The following LAPTM5 variants were observed in gnomAD, a reference collection of about 807,000 sequenced individuals.
LAPTM5 encodes the protein lysosomal-associated transmembrane protein 5.
A neutral mutation model predicts 30.1 loss-of-function variants in LAPTM5; 11 were observed. The ratio of observed to expected loss-of-function variants is 0.37; its 90% CI spans 0.23 to 0.60. The LOEUF (loss-of-function observed/expected upper bound fraction) is 0.60, where lower values mean the gene tolerates loss of function less well. Among genes scored for constraint, LAPTM5 ranks in the 20% least tolerant of loss-of-function variants. The probability of loss-of-function intolerance (pLI) is 0.71; values close to 1 mark genes in which losing one functional copy is unlikely to be tolerated. For synonymous variants in LAPTM5, 151 were observed against 137.9 expected, an observed-to-expected ratio of 1.10 and a Z score of -0.67; for missense variants, 324 against 332.5, an observed-to-expected ratio of 0.97 and a Z score of 0.20.
In LAPTM5 at chr1:30,745,616, A is replaced by G. The variant is rs192470303; in HGVS notation, c.88-3067T>C. 1.1e-3 allele frequency among the ~76,000 whole-genome samples: 174 copies of G among 152,352 alleles called. 4 individuals carry two copies. The East Asian group carries it at 0.028, about 25-fold the overall frequency. On this transcript the variant is annotated intron_variant, in intron 1 of 7. Coordinates refer to ENST00000294507, the MANE Select transcript of LAPTM5 (RefSeq NM_006762.3). ...ATGGCTCACGAGACTCATAGAGGGC[A>G]GGGGACCAGCCCACAGTCACAGAGC...
At chr1:30,751,596 G>A (rs561236549) in intron 1 of LAPTM5, among the ~76,000 whole-genome samples, 11 of 152,288 alleles carry the variant, frequency 7.2e-5, no homozygotes, top group South Asian at 2.1e-4. Context: ...AAACTTAGCC[G>A]GGCATGATGG....
intron 1 of LAPTM5, among the ~76,000 whole-genome samples, chr1:30,749,963 G>T (rs1047979698): frequency 6.6e-6 from 1 of 152,146 alleles, no homozygotes; most frequent in Non-Finnish European, 1.5e-5. Context: ...GAAAGAGCAT[G>T]CAGGAGATGT....
At chr1:30,733,999 C>A in intron 7 of LAPTM5, 82 bp from the exon 8 acceptor site, 1 of 1,409,472 alleles carries the variant, frequency 7.1e-7, no homozygotes, top group African/African-American at 1.5e-5. Flanking sequence ...ACCCAAACCC[C>A]CACCTCTGGC....
chr1:30,749,671 A>AG (rs35831416), intron 1 of LAPTM5, among the ~76,000 whole-genome samples: 1 of 151,912 alleles, frequency 6.6e-6, no homozygotes, highest in Non-Finnish European at 1.5e-5. Context: ...GTCCAACCGT[A>AG]GGGGTCAGGG....
intron 1 of LAPTM5, among the ~76,000 whole-genome samples, chr1:30,747,581 G>A (rs1315644768): frequency 1.3e-5 from 2 of 152,126 alleles, no homozygotes; most frequent in African/African-American, 4.8e-5. Context: ...GACAAACACA[G>A]CTTCCCCAAG....
intron 7 of LAPTM5, 104 bp from the exon 8 acceptor site, chr1:30,734,021 G>A: frequency 3.3e-6 from 4 of 1,217,614 alleles, no homozygotes; most frequent in Middle Eastern, 1.9e-4. Context: ...AAATGATGAT[G>A]ATAATGACTG....
intron 1 of LAPTM5, among the ~76,000 whole-genome samples, chr1:30,753,271 C>T (rs117989491): frequency 1.3e-5 from 2 of 152,276 alleles, no homozygotes; most frequent in East Asian, 3.9e-4. Flanking sequence ...TATGTAGCTA[C>T]TCTGCCCTCA....
intron 1 of LAPTM5, among the ~76,000 whole-genome samples, chr1:30,754,548 A>G (rs929476670): frequency 1.3e-5 from 2 of 152,252 alleles, no homozygotes; most frequent in Non-Finnish European, 2.9e-5. Context: ...AAAAACAAAA[A>G]CAAAACAAAA....
intron 7 of LAPTM5, 42 bp from the exon 8 acceptor site, chr1:30,733,959 T>C (rs3795437): frequency 0.3 from 469,442 of 1,586,322 alleles, 71,972 homozygotes; most frequent in East Asian, 0.47. Flanking sequence ...TGGTCAAGAA[T>C]GACCTGCAAT....
chr1:30,741,709 C>G lies in LAPTM5; in HGVS notation c.189G>C (p.Leu63=). 6.2e-7 allele frequency: 1 copy of G among 1,606,218 alleles called. No individual in the cohort carries two copies. The highest frequency in any genetic ancestry group is 8.5e-7 in the Non-Finnish European group (1 of 1,176,218). ...SQMGYLRIAD[L]ISSFLLITML... is the part of the protein sequence containing the mutation. Reference sequence around the variant, plus strand: ...TGGTGATGAGCAGGAAGCTGGAGATCAGGTCAGCTGAAAGGCAAGGAGAGC... The same window carrying G: ...TGGTGATGAGCAGGAAGCTGGAGATGAGGTCAGCTGAAAGGCAAGGAGAGC... The change falls in exon 3 of 8, where the codon CTG becomes CTC. Residue 63 remains leucine (L), a synonymous_variant. Transcript: ENST00000294507.
In LAPTM5 at chr1:30,733,380, G is replaced by C. The variant is rs914282147; in HGVS notation, c.*448C>G. 4.7e-6 allele frequency: 2 copies of C among 424,136 alleles called. No homozygotes were observed. The highest frequency in any genetic ancestry group is 7.7e-6 in the Non-Finnish European group (2 of 260,670). The allele number at this position is 424,136 out of a possible 1,614,324, so 26.3% of individuals were successfully genotyped here. On this transcript the variant is annotated 3_prime_UTR_variant, in exon 8 of 8. Coordinates refer to ENST00000294507, the MANE Select transcript of LAPTM5 (RefSeq NM_006762.3). ...GGGGGTAACTAATTAATGATTACTT[G>C]ATTAAATTGCTATGTGAACTGACAA...
intron 1 of LAPTM5, among the ~76,000 whole-genome samples, chr1:30,756,427 T>C (rs2124204916): frequency 6.6e-6 from 1 of 152,336 alleles, no homozygotes. Context: ...GCATGCTTTG[T>C]ATGTATCAAC....
rs72876490 is a variant in LAPTM5, at chr1:30,735,148, G to A, written c.699+25C>T. ...GGCACAGGGAGTTAGTGACAGGGCT[G>A]GCACCCACCTGCAGCCACACTCACC... On this transcript the variant is annotated intron_variant, in intron 7 of 7. Transcript: ENST00000294507. The A allele has an allele frequency of 2.8e-4, 436 of 1,566,306 alleles. No individual in the cohort carries two copies. In the African/African-American group the frequency reaches 5.1e-3, roughly 18 times the overall value.
rs1033240107 is a variant in LAPTM5 at position 30,757,639 on chromosome 1, C to G, written c.87+20G>C. On this transcript the variant is annotated intron_variant, in intron 1 of 7. Transcript: ENST00000294507. ...TCACACAAGCACGCACGCACACACA[C>G]CCGGGGCCCGCACACTCACCACATG... is the stretch of plus-strand genomic sequence containing the variant. The G allele has an allele frequency of 6.2e-7, 1 of 1,610,996 alleles. No individual in the cohort carries two copies. The highest frequency in any genetic ancestry group is 1.3e-5 in the African/African-American group (1 of 74,902).
intron 3 of LAPTM5, among the ~76,000 whole-genome samples, chr1:30,741,321 T>C (rs1400438690): frequency 6.6e-6 from 1 of 152,116 alleles, no homozygotes; most frequent in Non-Finnish European, 1.5e-5. Flanking sequence ...CTCTTTTCAC[T>C]CTCAAAATTC....
At chr1:30,749,188 G>A (rs1016437841) in intron 1 of LAPTM5, among the ~76,000 whole-genome samples, 27 of 152,318 alleles carry the variant, frequency 1.8e-4, no homozygotes, top group African/African-American at 2.6e-4. Flanking sequence ...TTAGCTACCC[G>A]CAACCACACA....
chr1:30,754,007 C>T (rs1483025837), intron 1 of LAPTM5, among the ~76,000 whole-genome samples: 1 of 152,202 alleles, frequency 6.6e-6, no homozygotes, highest in Non-Finnish European at 1.5e-5. Context: ...TTCCTCCTCG[C>T]CCAGTTTTGA....
At chr1:30,740,516 CTCT>C (rs2124182298) in intron 3 of LAPTM5, among the ~76,000 whole-genome samples, 1 of 152,000 alleles carries the variant, frequency 6.6e-6, no homozygotes, top group East Asian at 1.9e-4. Context: ...GCTGAAGTCC[CTCT>C]TCTTCAATTG....
intron 1 of LAPTM5, among the ~76,000 whole-genome samples, chr1:30,753,085 CT>C (rs35736676): frequency 2.6e-4 from 38 of 148,678 alleles, no homozygotes; most frequent in East Asian, 3.9e-4. Context: ...CCTGGCCGTA[CT>C]TTTTTTTTTT....
Sources: allele counts gnomAD v4.1 joint callset (sites outside exome capture counted in the v4.1 genomes callset), GRCh38; gene constraint gnomAD v4.1.1; transcripts MANE v1.5; gene names NCBI Gene and HGNC (gene_info 2026-07-23, HGNC 2026-07-21).